BEND7: variants seen among roughly 807,000 people sequenced by gnomAD.
The protein encoded by BEND7 is BEN domain containing 7.
BEND7 carries 28 observed loss-of-function variants against 50.9 expected under a neutral mutation model. The ratio of observed to expected loss-of-function variants is 0.55; its 90% CI spans 0.41 to 0.75. BEND7 has a LOEUF of 0.75. Among genes scored for constraint, BEND7 ranks in the 30% least tolerant of loss-of-function variants. The pLI is 0.00. For missense variants in BEND7, 477 were observed against 491.3 expected (o/e 0.97, Z 0.28); for synonymous variants, 170 against 183.9 (o/e 0.92, Z 0.61).
At chr10:13,469,939 T>C (rs746521152) in intron 6 of BEND7, among the ~76,000 whole-genome samples, 11 of 152,204 alleles carry the variant, frequency 7.2e-5, no homozygotes, top group Non-Finnish European at 1.3e-4. Flanking sequence ...TTGCAGGAGA[T>C]AGTCAATACG....
chr10:13,453,060 A>G (rs551847444), intron 6 of BEND7, among the ~76,000 whole-genome samples: 2 of 152,230 alleles, frequency 1.3e-5, no homozygotes, highest in Non-Finnish European at 2.9e-5. Flanking sequence ...CAAAATTAAC[A>G]CGAAAAGATG....
Position 13,492,852 on chromosome 10 carries a change from G to A in BEND7, c.596C>T (p.Pro199Leu). 6.2e-7 allele frequency: 1 copy of A among 1,600,172 alleles called. No homozygotes were observed. The highest frequency in any genetic ancestry group is 8.5e-7 in the Non-Finnish European group (1 of 1,176,964). ...CTGGGAGCATATAAGGGAAATTGGA[G>A]GTTGTTGTCTGTTTTGAGTTCCAAC... The part of the protein sequence containing the change: ...QAVGTQNRQQ[P>L]PISLICSQRT... The change falls in exon 5 of 9, where the codon CCT becomes CTT. Residue 199 changes from proline to leucine, a missense_variant. Transcript: ENST00000466271.
intron 2 of BEND7, among the ~76,000 whole-genome samples, chr10:13,512,273 A>G (rs903037156): frequency 1.3e-5 from 2 of 152,192 alleles, no homozygotes; most frequent in Admixed American, 1.3e-4. Context: ...TGTCTCTTAG[A>G]AAAAAACAAA....
chr10:13,522,872 C>G (rs1004069321), intron 2 of BEND7, among the ~76,000 whole-genome samples: 1 of 152,218 alleles, frequency 6.6e-6, no homozygotes, highest in African/African-American at 2.4e-5. Context: ...CTAGGCTCAT[C>G]TACAAAATGG....
At chr10:13,449,311 C>G (rs1277121379) in intron 7 of BEND7, among the ~76,000 whole-genome samples, 1 of 152,120 alleles carries the variant, frequency 6.6e-6, no homozygotes, top group Non-Finnish European at 1.5e-5. Context: ...AAAAATCCTT[C>G]AATAATAATA....
chr10:13,441,782 C>T (rs370256949), intron 8 of BEND7, 32 bp from the exon 9 acceptor site: 53 of 1,604,162 alleles, frequency 3.3e-5, no homozygotes, highest in Non-Finnish European at 4.1e-5. Flanking sequence ...TTGTCAGGAA[C>T]GGGATTACTT....
chr10:13,485,853 A>G (rs1362259483), intron 5 of BEND7, among the ~76,000 whole-genome samples: 1 of 152,192 alleles, frequency 6.6e-6, no homozygotes, highest in East Asian at 1.9e-4. Context: ...AGCAAGAATC[A>G]CTATTATCAT....
chr10:13,466,550 A>T (rs117556606), intron 6 of BEND7, among the ~76,000 whole-genome samples: 2,139 of 137,600 alleles, frequency 0.016, 22 homozygotes, highest in Non-Finnish European at 0.023. Flanking sequence ...CAGGGTGAGA[A>T]ACTGTCTCAA....
Position 13,452,626 on chromosome 10 carries a change from C to A in BEND7, c.1096G>T (p.Val366Leu), listed in dbSNP as rs1838003268. The A allele has an allele frequency of 5.6e-6, 9 of 1,612,194 alleles. No individual in the cohort carries two copies. Among genetic ancestry groups the A allele is most frequent in the Non-Finnish European group, 7.6e-6 (9 of 1,178,840 alleles). ...FTEKYCTANHVDKLPGPRDWV... is the reference protein window; with the variant it reads ...FTEKYCTANHLDKLPGPRDWV... Reference sequence around the variant, plus strand: ...TCTCTTGGGCCAGGAAGCTTATCCACATGGTTAGCTGTACAGTACTTTTCT... The same window carrying A: ...TCTCTTGGGCCAGGAAGCTTATCCAAATGGTTAGCTGTACAGTACTTTTCT... The change falls in exon 7 of 9, where the codon GTG (valine) becomes TTG (leucine). Residue 366 changes from valine to leucine, a missense_variant. Val to Leu is a conservative substitution (Grantham distance 32). Around this residue, in one of 3 missense-constraint regions of BEND7, gnomAD observed 64 missense variants for 68.5 expected, o/e 0.93. Transcript: ENST00000466271.
intron 6 of BEND7, chr10:13,459,516 A>G (rs1354443877): frequency 6.6e-6 from 1 of 152,258 alleles, no homozygotes; most frequent in Non-Finnish European, 1.5e-5. Flanking sequence ...TGTGGCATGT[A>G]AAACACTACG....
At chr10:13,444,990 A>G (rs950161208) in intron 8 of BEND7, 8 of 151,512 alleles carry the variant, frequency 5.3e-5, no homozygotes, top group Admixed American at 2.6e-4. Context: ...AATTTTTTAT[A>G]TATTTTTTAG....
intron 7 of BEND7, among the ~76,000 whole-genome samples, chr10:13,451,778 G>A (rs1837795372): frequency 1.1e-5 from 1 of 93,718 alleles, no homozygotes; most frequent in Non-Finnish European, 2.0e-5. Flanking sequence ...CCCCACAACA[G>A]GCCCCGGTGT....
intron 2 of BEND7, among the ~76,000 whole-genome samples, chr10:13,518,968 G>A (rs2078892067): frequency 6.6e-6 from 1 of 152,150 alleles, no homozygotes; most frequent in Admixed American, 6.5e-5. Flanking sequence ...TGCCCTCTAG[G>A]ATCTGACAAT....
At chr10:13,473,118 C>T (rs191579267) in intron 6 of BEND7, among the ~76,000 whole-genome samples, 2 of 152,072 alleles carry the variant, frequency 1.3e-5, no homozygotes, top group African/African-American at 4.8e-5. Flanking sequence ...GGGTCAATAA[C>T]CATCATCACT....
chr10:13,483,843 G>A (rs940981087), intron 5 of BEND7, among the ~76,000 whole-genome samples: 4 of 152,188 alleles, frequency 2.6e-5, no homozygotes, highest in African/African-American at 7.2e-5. Context: ...GAGGAAGGGG[G>A]CTCTTGGGGC....
intron 2 of BEND7, among the ~76,000 whole-genome samples, chr10:13,511,637 T>C (rs1046710925): frequency 6.6e-6 from 1 of 152,186 alleles, no homozygotes. Context: ...TTGAAACTCA[T>C]TACAAGTCAT....
intron 6 of BEND7, among the ~76,000 whole-genome samples, chr10:13,456,002 G>A (rs11258395): frequency 0.31 from 46,803 of 151,994 alleles, 8,569 homozygotes; most frequent in East Asian, 0.68. Context: ...TTTAGGACAC[G>A]GGATGGTAGG....
intron 6 of BEND7, among the ~76,000 whole-genome samples, chr10:13,461,624 T>C (rs898383974): frequency 5.3e-5 from 8 of 151,994 alleles, no homozygotes; most frequent in Non-Finnish European, 1.2e-4. Context: ...TCTCAGCTAC[T>C]TGGGAGGCTG....
intron 2 of BEND7, chr10:13,500,450 G>A: frequency 6.4e-6 from 6 of 939,050 alleles, no homozygotes; most frequent in Non-Finnish European, 7.7e-6. Context: ...GAACCCCTCT[G>A]CTCTGATGGG....
Sources: gnomAD v4.1 joint callset for allele counts (sites outside exome capture counted in the v4.1 genomes callset) on GRCh38, gnomAD v4.1.1 for gene constraint, gnomAD v4.1.1 regional missense constraint, MANE v1.5 for transcripts, NCBI Gene and HGNC (gene_info 2026-07-23, HGNC 2026-07-21) for gene names.